The following RFT1 variants were observed in gnomAD, a reference collection of about 807,000 sequenced individuals.
RFT1 encodes the protein RFT1 glycolipid translocator homolog, also known as man(5)GlcNAc(2)-PP-dolichol translocation protein RFT1.
Under a neutral mutation model 62.2 loss-of-function variants are expected in RFT1, and 43 were observed. The observed-to-expected ratio is 0.69, with a 90% CI of 0.54 to 0.89. The LOEUF (loss-of-function observed/expected upper bound fraction) is 0.89. Among genes scored for constraint, RFT1 ranks in the 40% least tolerant of loss-of-function variants. The pLI is 0.00. For synonymous variants in RFT1, 262 were observed against 264.6 expected (o/e 0.99, Z 0.10); for missense variants, 605 against 649.9 (o/e 0.93, Z 0.75).
chr3:53,103,331 C>T lies in RFT1; in HGVS notation c.1102+622G>A, dbSNP rs1432297066. Reference sequence around the variant, plus strand: ...GCACTGCAAATGGACTGCCAGCTTACAGCCCAGCACATTTTGAAATTGATG... The same window carrying T: ...GCACTGCAAATGGACTGCCAGCTTATAGCCCAGCACATTTTGAAATTGATG... On this transcript the variant is annotated intron_variant, in intron 10 of 12. Transcript: ENST00000296292. 3.2e-6 allele frequency: 3 copies of T among 946,782 alleles called. No individual in the cohort carries two copies. The East Asian group carries it at 3.5e-4, about 110-fold the overall frequency. 58.6% of individuals were successfully genotyped at this position (946,782 alleles called of 1,614,324 possible).
Position 53,115,368 on chromosome 3 carries a change from ACTCTGT to A in RFT1, c.697-3466_697-3461del, listed in dbSNP as rs558044044. ...GAATGAAAAAAAATAAGACACTATA[ACTCTGT>A]AAGAGACGGCAAGCTCCTCAATACA... On this transcript the variant is annotated intron_variant, in intron 6 of 12. Coordinates refer to ENST00000296292, the MANE Select transcript of RFT1 (RefSeq NM_052859.4). 2.4e-4 allele frequency among the ~76,000 whole-genome samples: 37 copies of A among 152,034 alleles called. No individual in the cohort carries two copies. The South Asian group carries it at 7.3e-3, about 30-fold the overall frequency.
Position 53,119,936 on chromosome 3 carries a change from G to A in RFT1, c.644C>T (p.Thr215Ile), listed in dbSNP as rs1701920131. The change falls in exon 6 of 13, where the codon ACT (threonine) becomes ATT (isoleucine). Residue 215 changes from threonine to isoleucine, a missense_variant. Transcript: ENST00000296292. ...LGSPESTKLQTLPVSRITDLL... is the reference protein window; with the variant it reads ...LGSPESTKLQILPVSRITDLL... ...ATCTGTTATTCTGGAGACAGGAAGA[G>A]TTTGAAGCTTGGTTGATTCTGGGGA... 6.2e-7 allele frequency: 1 copy of A among 1,613,278 alleles called. No individual in the cohort carries two copies. Among genetic ancestry groups the A allele is most frequent in the Non-Finnish European group, 8.5e-7 (1 of 1,179,504 alleles).
chr3:53,069,128 C>T, the RFT1 span, among the ~76,000 whole-genome samples: 8 of 152,122 alleles, frequency 5.3e-5, no homozygotes, highest in South Asian at 2.1e-4. Flanking sequence ...TTAGTAGAAA[C>T]GGGGTTTCAC....
chr3:53,126,096 G>A, intron 1 of RFT1, 102 bp from the exon 2 acceptor site: 2 of 922,586 alleles, frequency 2.2e-6, no homozygotes, highest in Non-Finnish European at 3.4e-6. Context: ...GTGATGTAAT[G>A]ACATACAGCA....
chr3:53,121,951 T>C (rs778512849), intron 4 of RFT1, 151 bp from the exon 5 acceptor site: 2 of 697,924 alleles, frequency 2.9e-6, no homozygotes, highest in South Asian at 3.1e-5. Flanking sequence ...GTTTTACTTC[T>C]TGGGTAGGGT....
intron 6 of RFT1, among the ~76,000 whole-genome samples, chr3:53,113,947 G>A (rs1701721433): frequency 2.0e-5 from 3 of 152,164 alleles, no homozygotes; most frequent in Admixed American, 1.3e-4. Context: ...CCCAAACAGT[G>A]CAGCCCTCAG....
intron 11 of RFT1, 146 bp downstream of exon 11, chr3:53,099,234 CA>C: frequency 1.4e-6 from 1 of 702,404 alleles, no homozygotes; most frequent in Non-Finnish European, 2.6e-6. Flanking sequence ...ACAGAGATCC[CA>C]GGGGAGCACC....
chr3:53,087,191 C>T (rs776020501), downstream of RFT1, among the ~76,000 whole-genome samples: 7 of 152,158 alleles, frequency 4.6e-5, no homozygotes, highest in Non-Finnish European at 1.0e-4. Context: ...GAGCCAAGAT[C>T]GTGCCACTGC....
At chr3:53,123,573 T>C (rs1439571108) in intron 3 of RFT1, 151 bp downstream of exon 3, 5 of 680,616 alleles carry the variant, frequency 7.3e-6, no homozygotes, top group African/African-American at 5.2e-5. Flanking sequence ...ACACAAACAC[T>C]GTCCCCGTCT....
intron 1 of RFT1, among the ~76,000 whole-genome samples, chr3:53,126,951 G>A (rs1460815181): frequency 6.6e-6 from 1 of 152,234 alleles, no homozygotes; most frequent in East Asian, 1.9e-4. Context: ...GACTACTGTG[G>A]TCTGAAAATC....
intron 11 of RFT1, among the ~76,000 whole-genome samples, chr3:53,097,949 C>T (rs1007490572): frequency 6.6e-6 from 1 of 152,194 alleles, no homozygotes; most frequent in Non-Finnish European, 1.5e-5. Context: ...TATTTTAAAA[C>T]TATGGGTTGT....
chr3:53,126,149 G>A (rs1348910908), intron 1 of RFT1, among the ~76,000 whole-genome samples, 155 bp from the exon 2 acceptor site: 1 of 152,158 alleles, frequency 6.6e-6, no homozygotes, highest in African/African-American at 2.4e-5. Context: ...CAACCTGTCT[G>A]CATTTCTCCT....
At chr3:53,106,735 A>G in intron 8 of RFT1, 84 bp downstream of exon 8, 1 of 1,034,080 alleles carries the variant, frequency 9.7e-7, no homozygotes, top group East Asian at 2.6e-5. Flanking sequence ...TTCATCTTTC[A>G]TTAAATATAT....
In RFT1 at chr3:53,119,875, ATTAC is replaced by A. The variant is rs759775801; in HGVS notation, c.696+5_696+8del. The stretch of plus-strand genomic sequence containing the variant: ...TTAAAATGATAAGAGATAAAAATGT[ATTAC>A]TTACTCCATTTCTTGTAATATTGGG... On this transcript the variant is annotated splice_donor_5th_base_variant and intron_variant, in intron 6 of 12. Coordinates refer to ENST00000296292, the MANE Select transcript of RFT1 (RefSeq NM_052859.4). The A allele has an allele frequency of 3.6e-5, 58 of 1,602,996 alleles. No homozygotes were observed. Among genetic ancestry groups the A allele is most frequent in the Non-Finnish European group, 4.3e-5 (51 of 1,172,740 alleles).
intron 1 of RFT1, among the ~76,000 whole-genome samples, chr3:53,127,752 A>G (rs1201445412): frequency 6.6e-6 from 1 of 152,182 alleles, no homozygotes; most frequent in Non-Finnish European, 1.5e-5. Context: ...CCTGGGCAAC[A>G]CAGTGAGACC....
chr3:53,120,024 G>A lies in RFT1; in HGVS notation c.559-3C>T. On this transcript the variant is annotated splice_polypyrimidine_tract_variant and splice_region_variant and intron_variant, in intron 5 of 12. Transcript: ENST00000296292. ...ACCAGAACTGTGGTATAGAAAAGCTGAGAAAAAAAATAAACTGTTTTAATA... is the reference window on the plus strand; with the variant it reads ...ACCAGAACTGTGGTATAGAAAAGCTAAGAAAAAAAATAAACTGTTTTAATA... The A allele has an allele frequency of 1.9e-6, 3 of 1,582,576 alleles. No homozygotes were observed. The highest frequency in any genetic ancestry group is 2.6e-6 in the Non-Finnish European group (3 of 1,169,002).
chr3:53,127,887 G>A (rs1408220608), intron 1 of RFT1, among the ~76,000 whole-genome samples: 2 of 152,136 alleles, frequency 1.3e-5, no homozygotes, highest in Non-Finnish European at 2.9e-5. Flanking sequence ...GATAGAACAA[G>A]CTCTCAAATT....
At chr3:53,129,796 T>G (rs558725854) in intron 1 of RFT1, among the ~76,000 whole-genome samples, 1 of 152,314 alleles carries the variant, frequency 6.6e-6, no homozygotes, top group East Asian at 1.9e-4. Flanking sequence ...AATCAATCCC[T>G]GCTTATGAGC....
chr3:53,099,316 G>C, intron 11 of RFT1, 65 bp downstream of exon 11: 1 of 1,349,060 alleles, frequency 7.4e-7, no homozygotes, highest in African/African-American at 1.4e-5. Flanking sequence ...AAAGCAAAAA[G>C]CTTGACAAGT....
Sources: allele counts gnomAD v4.1 joint callset (sites outside exome capture counted in the v4.1 genomes callset), GRCh38; gene constraint gnomAD v4.1.1; transcripts MANE v1.5; gene names NCBI Gene and HGNC (gene_info 2026-07-23, HGNC 2026-07-21).